The following CSMD3 variants were observed in gnomAD, a reference collection of about 807,000 sequenced individuals.
CSMD3 encodes the protein CUB and sushi domain-containing protein 3.
A neutral mutation model predicts 435.2 loss-of-function variants in CSMD3; 177 were observed. The observed-to-expected ratio is 0.41, with a 90% CI of 0.36 to 0.46. The LOEUF is 0.46. Ranked by LOEUF, CSMD3 falls within the 20% of genes least tolerant of loss-of-function variation. The probability of loss-of-function intolerance (pLI) is 0.34; values close to 1 mark genes in which losing one functional copy is unlikely to be tolerated. For synonymous variants in CSMD3, 1,656 were observed against 1,520.5 expected (o/e 1.09, Z -2.07); for missense variants, 4,265 against 4,504.6 (o/e 0.95, Z 1.52).
At chr8:113,115,519 C>T (rs1437315141) in intron 4 of CSMD3, among the ~76,000 whole-genome samples, 1 of 152,070 alleles carries the variant, frequency 6.6e-6, no homozygotes, top group Non-Finnish European at 1.5e-5. Context: ...ATTATTTTTG[C>T]ATGTTTTGAA....
intron 2 of CSMD3, among the ~76,000 whole-genome samples, chr8:113,283,031 T>C (rs958492313): frequency 2.6e-5 from 4 of 152,022 alleles, no homozygotes; most frequent in Admixed American, 2.0e-4. Flanking sequence ...TGGCTAGCCA[T>C]ATGTAGAAGA....
At chr8:113,258,188 A>C (rs1022297962) in intron 3 of CSMD3, among the ~76,000 whole-genome samples, 1 of 152,242 alleles carries the variant, frequency 6.6e-6, no homozygotes, top group African/African-American at 2.4e-5. Context: ...GACACAAAAC[A>C]TAATGGCCAA....
At chr8:112,835,232 G>C (rs1194800409) in intron 11 of CSMD3, among the ~76,000 whole-genome samples, 2 of 151,822 alleles carry the variant, frequency 1.3e-5, no homozygotes, top group Non-Finnish European at 2.9e-5. Flanking sequence ...AGGATATTTT[G>C]TTAAAAGTGG....
At chr8:112,697,037 A>C (rs914887531) in intron 13 of CSMD3, among the ~76,000 whole-genome samples, 9 of 150,984 alleles carry the variant, frequency 6.0e-5, no homozygotes, top group Non-Finnish European at 1.2e-4. Flanking sequence ...ATACCATCTC[A>C]CACCAGTTAG....
In CSMD3 at chr8:112,506,830, C is replaced by A. The variant is rs770781490; in HGVS notation, c.4757-1G>T. On this transcript the variant is annotated splice_acceptor_variant, in intron 28 of 70. Coordinates refer to ENST00000297405, the MANE Select transcript of CSMD3 (RefSeq NM_198123.2). LOFTEE classifies it high-confidence loss of function. Reference sequence around the variant, plus strand: ...CCTGTTAAATTGCCTCCACAGGGTGCTTTAATTTAAACAAACAAATAAAAT... The same window carrying A: ...CCTGTTAAATTGCCTCCACAGGGTGATTTAATTTAAACAAACAAATAAAAT... 1 of 1,611,408 alleles carries A rather than the reference C, an allele frequency of 6.2e-7. No individual in the cohort carries two copies. The highest frequency in any genetic ancestry group is 8.5e-7 in the Non-Finnish European group (1 of 1,178,296).
At chr8:112,224,961 T>C (rs2129767992) in intron 70 of CSMD3, 31 bp from the exon 71 acceptor site, 3 of 1,606,358 alleles carry the variant, frequency 1.9e-6, no homozygotes, top group Non-Finnish European at 2.6e-6. Context: ...TAGCTATGTG[T>C]TAACTTTCTT....
chr8:112,991,689 G>T (rs563226878), intron 6 of CSMD3, among the ~76,000 whole-genome samples: 1 of 151,890 alleles, frequency 6.6e-6, no homozygotes, highest in East Asian at 1.9e-4. Flanking sequence ...ACTGAAGTGT[G>T]TTGTGTAGAA....
chr8:112,287,650 C>T (rs1367127463), intron 57 of CSMD3, among the ~76,000 whole-genome samples: 1 of 151,932 alleles, frequency 6.6e-6, no homozygotes, highest in Non-Finnish European at 1.5e-5. Context: ...TCTGAATTTC[C>T]TGATTACTGA....
At chr8:113,030,182 T>C (rs903833668) in intron 5 of CSMD3, among the ~76,000 whole-genome samples, 14 of 151,152 alleles carry the variant, frequency 9.3e-5, no homozygotes, top group Admixed American at 5.9e-4. Context: ...GGAATCAATA[T>C]TGTGACAATG....
At chr8:112,983,913 A>C (rs2130978775) in intron 6 of CSMD3, among the ~76,000 whole-genome samples, 1 of 152,190 alleles carries the variant, frequency 6.6e-6, no homozygotes, top group South Asian at 2.1e-4. Flanking sequence ...CAAGTAAAGT[A>C]GCCTAATAAG....
intron 27 of CSMD3, among the ~76,000 whole-genome samples, chr8:112,524,748 G>T (rs1402598709): frequency 3.3e-5 from 5 of 151,738 alleles, no homozygotes; most frequent in Admixed American, 1.3e-4. Flanking sequence ...TCTCACAATA[G>T]TTATACAAAA....
intron 13 of CSMD3, among the ~76,000 whole-genome samples, chr8:112,742,958 C>T (rs2077345075): frequency 6.6e-6 from 1 of 151,992 alleles, no homozygotes; most frequent in Admixed American, 6.6e-5. Flanking sequence ...TGCTTTTCTG[C>T]TGTGACCCTG....
At chr8:112,387,583 T>G (rs1280160683) in intron 36 of CSMD3, among the ~76,000 whole-genome samples, 1 of 150,626 alleles carries the variant, frequency 6.6e-6, no homozygotes, top group Non-Finnish European at 1.5e-5. Context: ...TCCTTGATAG[T>G]TTTTTTTTAG....
chr8:113,246,053 A>G (rs543378146), intron 3 of CSMD3, among the ~76,000 whole-genome samples: 1 of 151,972 alleles, frequency 6.6e-6, no homozygotes, highest in African/African-American at 2.4e-5. Context: ...TAGACTTTTG[A>G]TAATTTGTAA....
At chr8:113,217,292 AT>A (rs1278001412) in intron 3 of CSMD3, among the ~76,000 whole-genome samples, 1 of 151,762 alleles carries the variant, frequency 6.6e-6, no homozygotes, top group African/African-American at 2.4e-5. Flanking sequence ...AAAGCCCACC[AT>A]AAAAACAAAA....
intron 47 of CSMD3, among the ~76,000 whole-genome samples, chr8:112,316,772 T>C (rs566554957): frequency 6.6e-6 from 1 of 151,990 alleles, no homozygotes; most frequent in South Asian, 2.1e-4. Flanking sequence ...AACCAGAAAA[T>C]GTAAGCATCC....
At chr8:112,550,900 T>C (rs1827622716) in intron 26 of CSMD3, 27 bp from the exon 27 acceptor site, 1 of 1,524,190 alleles carries the variant, frequency 6.6e-7, no homozygotes, top group Admixed American at 1.7e-5. Flanking sequence ...TTTCTCTGAT[T>C]ATTTTAAACA....
intron 10 of CSMD3, among the ~76,000 whole-genome samples, chr8:112,889,212 C>T (rs890969134): frequency 2.0e-5 from 3 of 151,568 alleles, no homozygotes; most frequent in Non-Finnish European, 3.0e-5. Context: ...AAATCCCCTG[C>T]TCTATTTCTG....
chr8:113,291,333 C>T (rs1203842104), intron 2 of CSMD3, among the ~76,000 whole-genome samples: 1 of 151,654 alleles, frequency 6.6e-6, no homozygotes, highest in East Asian at 1.9e-4. Context: ...TAAAGTAACT[C>T]ATCATAATAT....
Sources: gnomAD v4.1 joint callset for allele counts (sites outside exome capture counted in the v4.1 genomes callset) on GRCh38, gnomAD v4.1.1 for gene constraint, MANE v1.5 for transcripts, NCBI Gene and HGNC (gene_info 2026-07-23, HGNC 2026-07-21) for gene names.